The following USP3 variants were observed in gnomAD, a reference collection of about 807,000 sequenced individuals.
USP3 encodes the protein ubiquitin specific peptidase 3.
USP3 carries 20 observed loss-of-function variants against 72.3 expected under a neutral mutation model. The observed-to-expected ratio is 0.28, with a 90% confidence interval of 0.19 to 0.40. The LOEUF is 0.40. Ranked by LOEUF, USP3 falls within the 10% of genes least tolerant of loss-of-function variation. The probability of loss-of-function intolerance (pLI) is 1.00; values close to 1 mark genes in which losing one functional copy is unlikely to be tolerated. For synonymous variants in USP3, 222 were observed against 225.3 expected (o/e 0.99, Z 0.13); for missense variants, 479 against 633.9 (o/e 0.76, Z 2.62).
intron 3 of USP3, among the ~76,000 whole-genome samples, chr15:63,539,782 A>C (rs2066216163): frequency 6.6e-6 from 1 of 152,192 alleles, no homozygotes; most frequent in African/African-American, 2.4e-5. Context: ...AGCTGGTCAC[A>C]TTGTCGGCTC....
intron 8 of USP3, among the ~76,000 whole-genome samples, chr15:63,566,299 G>A (rs531928201): frequency 3.5e-4 from 53 of 150,938 alleles, no homozygotes; most frequent in African/African-American, 1.3e-3. Flanking sequence ...CTTTGCCTGT[G>A]ATGCTTTTTT....
Position 63,530,826 on chromosome 15 carries a change from A to G in USP3, c.92-1821A>G, listed in dbSNP as rs955829213. On this transcript the variant is annotated intron_variant, in intron 1 of 14. Transcript: ENST00000380324. ...TTCTCATTGCTGTAAGGCAAACACC[A>G]TAGGGGAGTACAAATAAAAAGCCAG... Among the ~76,000 whole-genome samples, 54 of 152,330 alleles carry G rather than the reference A, an allele frequency of 3.5e-4. 1 individual carries two copies. Among genetic ancestry groups the G allele is most frequent in the African/African-American group, 1.3e-3 (53 of 41,582 alleles).
chr15:63,521,497 A>G (rs1197029750), intron 1 of USP3, among the ~76,000 whole-genome samples: 1 of 152,216 alleles, frequency 6.6e-6, no homozygotes, highest in Non-Finnish European at 1.5e-5. Flanking sequence ...AATGTATCCA[A>G]GGCTGTTGAA....
chr15:63,560,415 C>CAA (rs1172049542), intron 7 of USP3, among the ~76,000 whole-genome samples: 185 of 97,950 alleles, frequency 1.9e-3, no homozygotes, highest in African/African-American at 5.3e-3. Context: ...GACTCCATCT[C>CAA]AAAAAAAAAA....
chr15:63,509,465 GTGT>G (rs1253773190), intron 1 of USP3, among the ~76,000 whole-genome samples: 1 of 152,170 alleles, frequency 6.6e-6, no homozygotes, highest in Non-Finnish European at 1.5e-5. Context: ...ACCATCTGCA[GTGT>G]TGTTATCACA....
At chr15:63,583,519 G>T (rs891620019) in intron 11 of USP3, among the ~76,000 whole-genome samples, 1 of 152,146 alleles carries the variant, frequency 6.6e-6, no homozygotes, top group Non-Finnish European at 1.5e-5. Context: ...AACATTTTAA[G>T]TGTCTTAAGT....
In USP3 at chr15:63,544,238, A is replaced by T. The variant is rs1260813588; in HGVS notation, c.284+7082A>T. The T allele has an allele frequency of 6.7e-6, 1 of 150,334 alleles. No homozygotes were observed. The highest frequency in any genetic ancestry group is 2.4e-5 in the African/African-American group (1 of 41,020). The allele number at this position is 150,334 out of a possible 1,614,324, so 9.3% of individuals were successfully genotyped here. ...ACATATATATATAGAATATATATAG[A>T]GAGGGTAGTGGATACTCAGTTTTGT... On this transcript the variant is annotated intron_variant, in intron 3 of 14. Coordinates refer to ENST00000380324, the MANE Select transcript of USP3 (RefSeq NM_006537.4). The surrounding 1 kb of genome is among the most constrained non-coding windows in gnomAD (Gnocchi z 4.2).
chr15:63,541,239 A>C (rs1235570753), intron 3 of USP3, among the ~76,000 whole-genome samples: 1 of 152,204 alleles, frequency 6.6e-6, no homozygotes. Context: ...AATATGAATC[A>C]GTTGTCTAGA....
chr15:63,580,912 G>A (rs906484572), intron 11 of USP3, among the ~76,000 whole-genome samples: 19 of 151,726 alleles, frequency 1.3e-4, no homozygotes, highest in Admixed American at 2.6e-4. Flanking sequence ...AGGTTCAAGC[G>A]ATTCTCCTGC....
intron 1 of USP3, among the ~76,000 whole-genome samples, chr15:63,524,223 T>G (rs1369974126): frequency 3.3e-5 from 5 of 152,212 alleles, no homozygotes; most frequent in Non-Finnish European, 2.9e-5. Flanking sequence ...ATATCAAGTC[T>G]TTACTCTCAC....
intron 1 of USP3, among the ~76,000 whole-genome samples, chr15:63,526,256 A>G (rs996774469): frequency 6.6e-6 from 1 of 152,194 alleles, no homozygotes; most frequent in Non-Finnish European, 1.5e-5. Context: ...TTTTAAAACA[A>G]AAGTTTTAGT....
intron 3 of USP3, among the ~76,000 whole-genome samples, chr15:63,552,989 T>C (rs2066457990): frequency 6.6e-6 from 1 of 152,234 alleles, no homozygotes; most frequent in African/African-American, 2.4e-5. Context: ...AATGCTAATG[T>C]GAACAAGTTA....
chr15:63,583,606 A>G (rs1281589221), intron 11 of USP3, among the ~76,000 whole-genome samples: 1 of 152,160 alleles, frequency 6.6e-6, no homozygotes, highest in Admixed American at 6.5e-5. Context: ...GTCATCCTAA[A>G]CAGAAACTCT....
intron 3 of USP3, among the ~76,000 whole-genome samples, chr15:63,541,597 T>C (rs1304200708): frequency 6.6e-6 from 1 of 152,170 alleles, no homozygotes; most frequent in Non-Finnish European, 1.5e-5. Flanking sequence ...ATGGGTTTGC[T>C]CTGCAGGTAT....
intron 2 of USP3, among the ~76,000 whole-genome samples, chr15:63,533,018 T>G (rs983859338): frequency 2.6e-5 from 4 of 152,196 alleles, no homozygotes; most frequent in African/African-American, 9.7e-5. Context: ...CTAATGGTTG[T>G]TTTTTAAACC....
rs368302993 is a variant in USP3, at chr15:63,508,328, AGAGACCT to A, written c.91+3502_91+3508del. On this transcript the variant is annotated intron_variant, in intron 1 of 14. Transcript: ENST00000380324. Reference sequence around the variant, plus strand: ...AGGCTACCAACGTTTATGTTTCTGTAGAGACCTGAGGTTTTTGAAATGTATTAGCTGG... The same window carrying A: ...AGGCTACCAACGTTTATGTTTCTGTAGAGGTTTTTGAAATGTATTAGCTGG... Among the ~76,000 whole-genome samples the A allele has an allele frequency of 2.4e-3, 361 of 152,290 alleles. 1 individual carries two copies. Among genetic ancestry groups the A allele is most frequent in the African/African-American group, 8.2e-3 (340 of 41,562 alleles).
At position 63,544,004 on chromosome 15, in the gene USP3, GT is replaced by G. The variant is rs1321465975; in HGVS notation, c.284+6850del. ...ACAGGAGGATCTCTTGAGCCCAGGA[GT>G]TCGAGACCAGCCTGGGCAACACAGG... On this transcript the variant is annotated intron_variant, in intron 3 of 14. Transcript: ENST00000380324. The surrounding 1 kb of genome is among the most constrained non-coding windows in gnomAD (Gnocchi z 4.2). 3.5e-4 allele frequency among the ~76,000 whole-genome samples: 52 copies of G among 149,300 alleles called. No individual in the cohort carries two copies. The highest frequency in any genetic ancestry group is 3.5e-3 in the Admixed American group (52 of 14,996).
rs2067249185 is a variant in USP3, at chr15:63,593,991, C to G, written c.*3165C>G. 1 of 152,268 alleles carries G rather than the reference C, an allele frequency of 6.6e-6. No individual in the cohort carries two copies. Among genetic ancestry groups the G allele is most frequent in the South Asian group, 2.1e-4 (1 of 4,832 alleles). 9.4% of individuals were successfully genotyped at this position (152,268 alleles called of 1,614,324 possible). A position where few individuals can be genotyped will look rare whatever the true frequency, so the allele number is the denominator to read the frequency against. On this transcript the variant is annotated 3_prime_UTR_variant, in exon 15 of 15. Coordinates refer to ENST00000380324, the MANE Select transcript of USP3 (RefSeq NM_006537.4). ...GAAACCTTTGCTTATCCACTGTATT[C>G]TACTCAGTGTATAGTGATGACAGAT...
intron 11 of USP3, among the ~76,000 whole-genome samples, chr15:63,578,876 C>T (rs763421314): frequency 9.2e-5 from 14 of 152,120 alleles, no homozygotes; most frequent in Non-Finnish European, 1.9e-4. Context: ...ATACCTAGAA[C>T]ATTTCAGGAT....
Sources: gnomAD v4.1 joint callset for allele counts (sites outside exome capture counted in the v4.1 genomes callset) on GRCh38, gnomAD v4.1.1 for gene constraint, Gnocchi (gnomAD v3.1) non-coding constraint, MANE v1.5 for transcripts, NCBI Gene and HGNC (gene_info 2026-07-23, HGNC 2026-07-21) for gene names.